Variants in CALD1 observed in about 807,000 individuals in gnomAD.
CALD1 encodes caldesmon.
Under a neutral mutation model 99.9 loss-of-function variants are expected in CALD1, and 33 were observed. The observed-to-expected ratio is 0.33, with a 90% confidence interval of 0.25 to 0.44. The LOEUF (loss-of-function observed/expected upper bound fraction) is 0.44, where lower values mean the gene tolerates loss of function less well. Among genes scored for constraint, CALD1 ranks in the 20% least tolerant of loss-of-function variants. CALD1 has a pLI of 1.00. For synonymous variants in CALD1, 310 were observed against 325.0 expected (o/e 0.95, Z 0.50); for missense variants, 861 against 962.1 (o/e 0.89, Z 1.39).
intron 1 of CALD1, among the ~76,000 whole-genome samples, chr7:134,818,767 C>T (rs1272095808): frequency 1.3e-5 from 2 of 152,160 alleles, no homozygotes; most frequent in Non-Finnish European, 2.9e-5. Flanking sequence ...CCCACCATTG[C>T]GCCAGAGCTT....
the CALD1 span, among the ~76,000 whole-genome samples, chr7:134,718,704 A>G: frequency 2.0e-4 from 31 of 152,190 alleles, no homozygotes; most frequent in South Asian, 1.7e-3. Context: ...CAATCAGAAG[A>G]CGTTGGCTAC....
chr7:134,928,116 C>T (rs752077508), intron 3 of CALD1: 5 of 311,842 alleles, frequency 1.6e-5, no homozygotes, highest in Middle Eastern at 4.0e-4. Flanking sequence ...ATTTTTGGTT[C>T]AATACTTTGG....
chr7:134,728,465 C>T, the CALD1 span, among the ~76,000 whole-genome samples: 2 of 152,070 alleles, frequency 1.3e-5, no homozygotes, highest in Non-Finnish European at 2.9e-5. Context: ...TTTAACTGGC[C>T]GAAACTCAGT....
chr7:134,762,875 T>C (rs1796791342), intron 1 of CALD1, among the ~76,000 whole-genome samples: 2 of 152,118 alleles, frequency 1.3e-5, no homozygotes, highest in South Asian at 4.1e-4. Context: ...GTTCTGAAAG[T>C]AAGAAGAATC....
intron 1 of CALD1, among the ~76,000 whole-genome samples, chr7:134,751,703 G>A (rs921058607): frequency 3.3e-5 from 5 of 152,124 alleles, no homozygotes; most frequent in East Asian, 1.9e-4. Flanking sequence ...AGGGCTGGGC[G>A]TGGTGGCTCA....
At chr7:134,835,454 A>G (rs1283830745) in intron 1 of CALD1, among the ~76,000 whole-genome samples, 1 of 152,206 alleles carries the variant, frequency 6.6e-6, no homozygotes, top group African/African-American at 2.4e-5. Context: ...AACTGGCCAT[A>G]AAGGAAATAT....
At chr7:134,871,964 T>G (rs1485606744) in intron 3 of CALD1, among the ~76,000 whole-genome samples, 2 of 152,246 alleles carry the variant, frequency 1.3e-5, no homozygotes, top group Non-Finnish European at 2.9e-5. Context: ...GGACTGGCAT[T>G]TATTCACTGC....
chr7:134,963,125 G>A (rs1808404860), intron 13 of CALD1, among the ~76,000 whole-genome samples: 1 of 152,162 alleles, frequency 6.6e-6, no homozygotes, highest in Non-Finnish European at 1.5e-5. Flanking sequence ...TGTCTCATAT[G>A]AATCAAATAA....
chr7:134,828,105 T>TAA (rs1173461114), intron 1 of CALD1, among the ~76,000 whole-genome samples: 1 of 152,210 alleles, frequency 6.6e-6, no homozygotes, highest in East Asian at 1.9e-4. Context: ...GCACTTTTCT[T>TAA]ACTAAAAAGT....
chr7:134,909,816 A>T (rs1373517481), intron 3 of CALD1, among the ~76,000 whole-genome samples: 2 of 152,212 alleles, frequency 1.3e-5, no homozygotes, highest in Non-Finnish European at 2.9e-5. Context: ...CATATGTTGG[A>T]TAGGAGAAGA....
At chr7:134,931,974 G>A (rs991632277) in intron 4 of CALD1, among the ~76,000 whole-genome samples, 3 of 152,110 alleles carry the variant, frequency 2.0e-5, no homozygotes, top group South Asian at 2.1e-4. Context: ...GCATATTTCT[G>A]TCTAGTTGGT....
At chr7:134,929,883 G>A (rs2132929292) in intron 4 of CALD1, among the ~76,000 whole-genome samples, 1 of 151,082 alleles carries the variant, frequency 6.6e-6, no homozygotes, top group South Asian at 2.1e-4. Flanking sequence ...ACTGTTTTCT[G>A]GTAGGTTATA....
intron 1 of CALD1, among the ~76,000 whole-genome samples, chr7:134,829,912 G>A (rs980173579): frequency 6.6e-6 from 1 of 152,174 alleles, no homozygotes; most frequent in Admixed American, 6.5e-5. Context: ...CCTGGATTTA[G>A]TAATTTACTG....
chr7:134,819,697 A>G (rs908598531), intron 1 of CALD1, among the ~76,000 whole-genome samples: 2 of 152,194 alleles, frequency 1.3e-5, no homozygotes, highest in African/African-American at 4.8e-5. Flanking sequence ...TTAGTACCCA[A>G]TGATGACTAT....
rs1350308078 is a variant in CALD1, at chr7:134,965,361, T to C, written c.2351T>C (p.Val784Ala). 1.3e-6 allele frequency: 2 copies of C among 1,570,892 alleles called. No individual in the cohort carries two copies. Among genetic ancestry groups the C allele is most frequent in the Non-Finnish European group, 1.8e-6 (2 of 1,140,546 alleles). The change falls in exon 14 of 15, where the codon GTG (valine) becomes GCG (alanine). Residue 784 changes from valine (V) to alanine (A), a missense_variant. Coordinates refer to ENST00000361675, the MANE Select transcript of CALD1 (RefSeq NM_033138.4). ...CGGAACCTCTGGGAAAAGCAATCTG[T>C]GGATAAGGTCACTTCCCCCACTAAG... ...SKRNLWEKQS[V>A]DKVTSPTKV
chr7:134,718,489 T>C, the CALD1 span, among the ~76,000 whole-genome samples: 4 of 152,182 alleles, frequency 2.6e-5, no homozygotes, highest in African/African-American at 9.7e-5. Flanking sequence ...TCAACTGCTA[T>C]AAATTACATA....
chr7:134,810,005 G>A (rs1301176639), intron 1 of CALD1, among the ~76,000 whole-genome samples: 1 of 152,114 alleles, frequency 6.6e-6, no homozygotes, highest in African/African-American at 2.4e-5. Context: ...ACTTTTAAAA[G>A]GAATCTTGGA....
intron 1 of CALD1, among the ~76,000 whole-genome samples, chr7:134,782,849 C>A (rs915212524): frequency 2.0e-5 from 3 of 152,204 alleles, no homozygotes; most frequent in African/African-American, 7.2e-5. Flanking sequence ...TATCTTCTCG[C>A]TCCTGGTTAT....
rs886425679 is a variant in CALD1, at chr7:134,968,521, G to A, written c.*176G>A. 8.3e-6 allele frequency: 6 copies of A among 721,684 alleles called. No homozygotes were observed. In the African/African-American group the frequency reaches 8.7e-5, roughly 10 times the overall value. The allele number at this position is 721,684 out of a possible 1,614,324, so 44.7% of individuals were successfully genotyped here. A position where few individuals can be genotyped will look rare whatever the true frequency, so the allele number is the denominator to read the frequency against. On this transcript the variant is annotated 3_prime_UTR_variant, in exon 15 of 15. Transcript: ENST00000361675. ...CTATATTTAATAATCACAGTCTAGAGATGTTCATGGTAAAAGTACTGCCTT... is the reference window on the plus strand; with the variant it reads ...CTATATTTAATAATCACAGTCTAGAAATGTTCATGGTAAAAGTACTGCCTT...
Sources: gnomAD v4.1 joint callset for allele counts (sites outside exome capture counted in the v4.1 genomes callset) on GRCh38, gnomAD v4.1.1 for gene constraint, MANE v1.5 for transcripts, NCBI Gene and HGNC (gene_info 2026-07-23, HGNC 2026-07-21) for gene names.